SLC41A2: variants seen among roughly 807,000 people sequenced by gnomAD.
SLC41A2 encodes SLC41A1-like 1.
Under a neutral mutation model 58.3 loss-of-function variants are expected in SLC41A2, and 32 were observed. That is an observed-to-expected ratio of 0.55 (90% CI 0.41 to 0.74). The LOEUF (loss-of-function observed/expected upper bound fraction) is 0.74. Among genes scored for constraint, SLC41A2 ranks in the 30% least tolerant of loss-of-function variants. The probability of loss-of-function intolerance (pLI) is 0.00; values close to 1 mark genes in which losing one functional copy is unlikely to be tolerated. For missense variants in SLC41A2, 514 were observed against 680.6 expected (o/e 0.76, Z 2.72); for synonymous variants, 190 against 235.0 (o/e 0.81, Z 1.75).
At chr12:104,956,044 A>AT (rs1235953764) in intron 1 of SLC41A2, among the ~76,000 whole-genome samples, 3 of 152,224 alleles carry the variant, frequency 2.0e-5, no homozygotes, top group Admixed American at 6.5e-5. Flanking sequence ...ACTAATATAA[A>AT]TTTTTTGTAA....
chr12:104,926,286 G>T (rs1002368665), intron 2 of SLC41A2, among the ~76,000 whole-genome samples: 1 of 152,088 alleles, frequency 6.6e-6, no homozygotes, highest in African/African-American at 2.4e-5. Flanking sequence ...TAGGTATTTG[G>T]TAACCACAAG....
chr12:104,850,332 A>G (rs537642658), intron 8 of SLC41A2, among the ~76,000 whole-genome samples: 2 of 152,334 alleles, frequency 1.3e-5, no homozygotes, highest in East Asian at 3.9e-4. Flanking sequence ...TCTTATTAAG[A>G]AAAAACCCAG....
intron 2 of SLC41A2, among the ~76,000 whole-genome samples, chr12:104,918,008 T>C (rs1593139452): frequency 6.8e-6 from 1 of 148,084 alleles, no homozygotes; most frequent in East Asian, 1.9e-4. Flanking sequence ...AAAATATATA[T>C]ATATAAAAAG....
chr12:104,805,963 G>C (rs1052718164), intron 10 of SLC41A2, among the ~76,000 whole-genome samples: 1 of 152,246 alleles, frequency 6.6e-6, no homozygotes, highest in East Asian at 1.9e-4. Flanking sequence ...AGAATATCAG[G>C]AATATAAAGA....
At chr12:104,868,352 T>G (rs539263669) in intron 6 of SLC41A2, among the ~76,000 whole-genome samples, 17 of 152,320 alleles carry the variant, frequency 1.1e-4, no homozygotes, top group African/African-American at 1.7e-4. Context: ...CTTAGTATTT[T>G]ATTCTCAGGT....
chr12:104,808,796 G>A (rs997101098), intron 10 of SLC41A2, among the ~76,000 whole-genome samples: 1 of 152,168 alleles, frequency 6.6e-6, no homozygotes, highest in African/African-American at 2.4e-5. Context: ...TTAGTCCTGG[G>A]AGGGTGTATG....
At position 104,803,332 on chromosome 12, in the gene SLC41A2, A is replaced by G. The variant is rs1367872948; in HGVS notation, c.*1820T>C. 1 of 152,170 alleles carries G rather than the reference A, an allele frequency of 6.6e-6. No homozygotes were observed. Among genetic ancestry groups the G allele is most frequent in the Non-Finnish European group, 1.5e-5 (1 of 68,002 alleles). The allele number at this position is 152,170 out of a possible 1,614,324, so 9.4% of individuals were successfully genotyped here. A position where few individuals can be genotyped will look rare whatever the true frequency, so the allele number is the denominator to read the frequency against. The stretch of plus-strand genomic sequence containing the variant: ...TCTTTCTTTTATAAGAATGTTCACT[A>G]TGTAACATTATAACTCTCCAAAGGA... On this transcript the variant is annotated 3_prime_UTR_variant, in exon 11 of 11. Coordinates refer to ENST00000258538, the MANE Select transcript of SLC41A2 (RefSeq NM_001352171.3).
At chr12:104,861,053 C>T (rs1341311105) in intron 8 of SLC41A2, among the ~76,000 whole-genome samples, 1 of 152,162 alleles carries the variant, frequency 6.6e-6, no homozygotes, top group Non-Finnish European at 1.5e-5. Context: ...GTATACCTGA[C>T]TCTCAAACTA....
chr12:104,847,603 C>CAAA (rs61636915), intron 8 of SLC41A2, among the ~76,000 whole-genome samples: 62 of 86,316 alleles, frequency 7.2e-4, no homozygotes, highest in Middle Eastern at 6.8e-3. Flanking sequence ...GACTCTGTCT[C>CAAA]AAAAAAAAAA....
chr12:104,937,817 T>C (rs989001505), intron 1 of SLC41A2, among the ~76,000 whole-genome samples: 2 of 152,188 alleles, frequency 1.3e-5, no homozygotes, highest in East Asian at 1.9e-4. Flanking sequence ...AAAGGATTTG[T>C]GTTACTTTGA....
At chr12:104,825,851 G>T (rs897637551) in intron 10 of SLC41A2, among the ~76,000 whole-genome samples, 1 of 152,210 alleles carries the variant, frequency 6.6e-6, no homozygotes, top group African/African-American at 2.4e-5. Context: ...TTTATGGCAT[G>T]AACAGTCCCT....
chr12:104,855,075 C>T (rs1434937436), intron 8 of SLC41A2, among the ~76,000 whole-genome samples: 2 of 152,190 alleles, frequency 1.3e-5, no homozygotes, highest in Non-Finnish European at 1.5e-5. Flanking sequence ...AACAAACGTA[C>T]CCACATGTCT....
chr12:104,873,284 T>C (rs1328392398), intron 6 of SLC41A2, among the ~76,000 whole-genome samples: 2 of 152,242 alleles, frequency 1.3e-5, no homozygotes. Context: ...CATGCAGTAT[T>C]TTTACTTCTG....
intron 6 of SLC41A2, among the ~76,000 whole-genome samples, chr12:104,886,021 G>A (rs1181595501): frequency 1.3e-5 from 2 of 151,924 alleles, no homozygotes; most frequent in African/African-American, 4.8e-5. Context: ...ATATAAACTT[G>A]GGTAACATAC....
chr12:104,912,438 T>A (rs1239552735), intron 2 of SLC41A2, among the ~76,000 whole-genome samples: 5 of 152,122 alleles, frequency 3.3e-5, no homozygotes, highest in Non-Finnish European at 7.3e-5. Flanking sequence ...GGTTTAATAA[T>A]CATGCCTACA....
chr12:104,814,405 A>C (rs1056370997), intron 10 of SLC41A2, among the ~76,000 whole-genome samples: 2 of 152,074 alleles, frequency 1.3e-5, no homozygotes, highest in African/African-American at 4.8e-5. Context: ...AACAAACAAA[A>C]AAACACTACT....
chr12:104,882,958 A>G (rs1283065404), intron 6 of SLC41A2, among the ~76,000 whole-genome samples: 1 of 152,106 alleles, frequency 6.6e-6, no homozygotes, highest in Admixed American at 6.6e-5. Flanking sequence ...AGGTATACCA[A>G]TCAAATGTAG....
At chr12:104,854,087 A>G in intron 8 of SLC41A2, among the ~76,000 whole-genome samples, 1 of 151,638 alleles carries the variant, frequency 6.6e-6, no homozygotes, top group East Asian at 1.9e-4. Context: ...ACAGAGGTGA[A>G]AACTGGTTCT....
At chr12:104,919,926 C>T (rs920975721) in intron 2 of SLC41A2, among the ~76,000 whole-genome samples, 2 of 152,134 alleles carry the variant, frequency 1.3e-5, no homozygotes, top group Non-Finnish European at 2.9e-5. Flanking sequence ...CCTGTTTTTT[C>T]CCTAAAGGTT....
Sources: allele counts gnomAD v4.1 joint callset (sites outside exome capture counted in the v4.1 genomes callset), GRCh38; gene constraint gnomAD v4.1.1; transcripts MANE v1.5; gene names NCBI Gene and HGNC (gene_info 2026-07-23, HGNC 2026-07-21).